The following PTPRD variants were observed in gnomAD, a reference collection of about 807,000 sequenced individuals.
PTPRD encodes the protein protein tyrosine phosphatase receptor type D.
A neutral mutation model predicts 214.5 loss-of-function variants in PTPRD; 34 were observed. That is an observed-to-expected ratio of 0.16 (90% CI 0.12 to 0.21). The LOEUF is 0.21. PTPRD is among the 10% of genes least tolerant of loss of function. The pLI is 1.00. For synonymous variants in PTPRD, 1,128 were observed against 845.7 expected, an observed-to-expected ratio of 1.33 and a Z score of -5.79; for missense variants, 2,545 against 2,398.7, an observed-to-expected ratio of 1.06 and a Z score of -1.27.
chr9:9,940,498 GAGTCCT>G (rs2153966692), intron 4 of PTPRD, among the ~76,000 whole-genome samples: 1 of 152,232 alleles, frequency 6.6e-6, no homozygotes, highest in South Asian at 2.1e-4. Context: ...AATTAGATTT[GAGTCCT>G]ATCTCTACCT....
At chr9:9,235,512 T>C (rs1310404177) in intron 9 of PTPRD, among the ~76,000 whole-genome samples, 1 of 152,168 alleles carries the variant, frequency 6.6e-6, no homozygotes, top group Non-Finnish European at 1.5e-5. Flanking sequence ...TCTCATGTTA[T>C]GTTCTTCTCC....
chr9:10,107,498 C>T (rs1591368200), intron 3 of PTPRD, among the ~76,000 whole-genome samples: 1 of 151,802 alleles, frequency 6.6e-6, no homozygotes, highest in African/African-American at 2.4e-5. Flanking sequence ...CACTTACCGG[C>T]TGTGTAAGCC....
intron 8 of PTPRD, among the ~76,000 whole-genome samples, chr9:9,439,333 C>A (rs2086595671): frequency 6.6e-6 from 1 of 152,056 alleles, no homozygotes; most frequent in Non-Finnish European, 1.5e-5. Context: ...GATGAAGATA[C>A]TTTGATTTCC....
intron 14 of PTPRD, among the ~76,000 whole-genome samples, chr9:8,626,606 T>C (rs78775967): frequency 6.6e-6 from 1 of 151,714 alleles, no homozygotes; most frequent in South Asian, 2.1e-4. Context: ...GCAAAGCAGA[T>C]TGCCCTCCCT....
Position 8,871,288 on chromosome 9 carries a change from G to C in PTPRD, c.-103-137342C>G, listed in dbSNP as rs925759358. Reference sequence around the variant, plus strand: ...TACTCTAAAAAGCTACTTAATTGCAGTATATTCTGTGAATGAAAGTTCACG... The same window carrying C: ...TACTCTAAAAAGCTACTTAATTGCACTATATTCTGTGAATGAAAGTTCACG... On this transcript the variant is annotated intron_variant, in intron 11 of 45. Transcript: ENST00000381196. Among the ~76,000 whole-genome samples the C allele has an allele frequency of 5.3e-5, 8 of 152,172 alleles. 1 individual carries two copies. The highest frequency in any genetic ancestry group is 4.6e-4 in the Admixed American group (7 of 15,262).
Position 9,354,958 on chromosome 9 carries a change from G to T in PTPRD, c.-203+42491C>A, listed in dbSNP as rs528326435. On this transcript the variant is annotated intron_variant, in intron 9 of 45. Transcript: ENST00000381196. ...AGGAGGAAAATGTGACAGTAGTGGAGTGTGGACAAAAAAGAAAATAAAGGG... is the reference window on the plus strand; with the variant it reads ...AGGAGGAAAATGTGACAGTAGTGGATTGTGGACAAAAAAGAAAATAAAGGG... 3.3e-5 allele frequency among the ~76,000 whole-genome samples: 5 copies of T among 151,898 alleles called. No homozygotes were observed. The South Asian group carries it at 8.3e-4, about 25-fold the overall frequency.
intron 12 of PTPRD, among the ~76,000 whole-genome samples, chr9:8,674,456 C>CAAAAAAA (rs57588808): frequency 1.6e-5 from 1 of 62,334 alleles, no homozygotes; most frequent in Non-Finnish European, 2.8e-5. Flanking sequence ...GACGCTGTCT[C>CAAAAAAA]AAAAAAAAAA....
intron 24 of PTPRD, among the ~76,000 whole-genome samples, chr9:8,500,144 G>A (rs924010561): frequency 1.5e-4 from 22 of 151,720 alleles, no homozygotes; most frequent in African/African-American, 5.3e-4. Flanking sequence ...ATGCTTTGAG[G>A]TTCAAAGCAT....
chr9:9,590,009 C>G (rs1281602159), intron 7 of PTPRD, among the ~76,000 whole-genome samples: 2 of 151,892 alleles, frequency 1.3e-5, no homozygotes, highest in African/African-American at 4.8e-5. Flanking sequence ...GAGTAAGCAA[C>G]TCTTACTCTT....
At chr9:9,607,674 T>C (rs2094252928) in intron 7 of PTPRD, among the ~76,000 whole-genome samples, 1 of 151,926 alleles carries the variant, frequency 6.6e-6, no homozygotes, top group Admixed American at 6.6e-5. Flanking sequence ...TTCCTGACAT[T>C]GTGCTTTCAA....
intron 3 of PTPRD, among the ~76,000 whole-genome samples, chr9:10,043,750 T>G (rs1049624874): frequency 6.6e-6 from 1 of 151,834 alleles, no homozygotes; most frequent in Non-Finnish European, 1.5e-5. Context: ...AAGCCACTGG[T>G]GCTGCAGAAT....
chr9:9,896,284 A>G (rs566434506), intron 5 of PTPRD, among the ~76,000 whole-genome samples: 37 of 152,108 alleles, frequency 2.4e-4, no homozygotes, highest in Non-Finnish European at 4.6e-4. Context: ...GGAAAGTTTT[A>G]AAGACAAGGT....
chr9:8,770,032 G>T (rs1411356222), intron 11 of PTPRD, among the ~76,000 whole-genome samples: 4 of 152,168 alleles, frequency 2.6e-5, no homozygotes, highest in African/African-American at 9.7e-5. Flanking sequence ...TGTAATCCCA[G>T]CACTTTGGGA....
intron 7 of PTPRD, among the ~76,000 whole-genome samples, chr9:9,712,043 G>A (rs1056726849): frequency 2.0e-5 from 3 of 151,872 alleles, no homozygotes; most frequent in African/African-American, 4.8e-5. Context: ...ATCTCGCACC[G>A]ACTTAGCAAA....
chr9:9,071,785 A>G (rs75667944), intron 10 of PTPRD, among the ~76,000 whole-genome samples: 2,310 of 152,258 alleles, frequency 0.015, 61 homozygotes, highest in African/African-American at 0.052. Context: ...GATTCATAAA[A>G]ACTGGGAGAA....
intron 12 of PTPRD, among the ~76,000 whole-genome samples, chr9:8,659,325 A>C (rs186134349): frequency 6.6e-6 from 1 of 152,208 alleles, no homozygotes; most frequent in Admixed American, 6.5e-5. Flanking sequence ...GAAGTCACAA[A>C]ATGTTCCAGC....
At chr9:8,759,503 A>G (rs1468053141) in intron 11 of PTPRD, among the ~76,000 whole-genome samples, 3 of 152,150 alleles carry the variant, frequency 2.0e-5, no homozygotes, top group Non-Finnish European at 4.4e-5. Flanking sequence ...AGACCTGACA[A>G]TACACTGACT....
At chr9:9,690,026 T>A (rs1394475811) in intron 7 of PTPRD, among the ~76,000 whole-genome samples, 1 of 151,802 alleles carries the variant, frequency 6.6e-6, no homozygotes, top group East Asian at 1.9e-4. Flanking sequence ...TATACTGGGT[T>A]ATATAGCAGT....
At chr9:10,523,662 A>AAGAG (rs1196761087) in intron 2 of PTPRD, among the ~76,000 whole-genome samples, 5 of 115,972 alleles carry the variant, frequency 4.3e-5, no homozygotes, top group Non-Finnish European at 3.7e-5. Flanking sequence ...GAGAGAAATA[A>AAGAG]AGAGAGAGAG....
Sources: gnomAD v4.1 joint callset for allele counts (sites outside exome capture counted in the v4.1 genomes callset) on GRCh38, gnomAD v4.1.1 for gene constraint, MANE v1.5 for transcripts, NCBI Gene and HGNC (gene_info 2026-07-23, HGNC 2026-07-21) for gene names.